RBMS3: variants seen among roughly 807,000 people sequenced by gnomAD.
RBMS3 encodes RNA-binding motif, single-stranded-interacting protein 3.
In RBMS3, 27 loss-of-function variants were observed where a neutral mutation model predicts 66.8. The ratio of observed to expected loss-of-function variants is 0.40; its 90% confidence interval spans 0.30 to 0.56. The LOEUF (loss-of-function observed/expected upper bound fraction) is 0.56. Among genes scored for constraint, RBMS3 ranks in the 20% least tolerant of loss-of-function variants. The pLI is 0.40. For missense variants in RBMS3, 513 were observed against 549.5 expected (o/e 0.93, Z 0.66); for synonymous variants, 188 against 183.0 (o/e 1.03, Z -0.22).
rs2040716951 is a variant in RBMS3 at position 29,421,134 on chromosome 3, C to CAAAAA, written c.76-13608_76-13607insAAAAA. ...TCCCTAAAGAAAAAAAAAAAGAAAA[C>CAAAAA]AGAAAAGGCCGTTATCACTATTTGC... On this transcript the variant is annotated intron_variant, in intron 1 of 14. Transcript: ENST00000383767. 2.0e-5 allele frequency among the ~76,000 whole-genome samples: 3 copies of CAAAAA among 150,810 alleles called. No homozygotes were observed. In the South Asian group the frequency reaches 6.3e-4, roughly 31 times the overall value.
chr3:29,471,718 G>GTTTTTTTTTT (rs397793236), intron 2 of RBMS3, among the ~76,000 whole-genome samples: 1 of 71,170 alleles, frequency 1.4e-5, no homozygotes, highest in Admixed American at 1.6e-4. Context: ...TGAGGACTTA[G>GTTTTTTTTTT]TTTTTTTTTT....
intron 6 of RBMS3, among the ~76,000 whole-genome samples, chr3:29,776,159 G>A (rs1299454810): frequency 6.6e-6 from 1 of 152,012 alleles, no homozygotes; most frequent in East Asian, 1.9e-4. Flanking sequence ...AAAGAAAAGA[G>A]CGCCATTCGT....
chr3:29,413,375 TAC>T (rs2040353473), intron 1 of RBMS3, among the ~76,000 whole-genome samples: 1 of 58,332 alleles, frequency 1.7e-5, no homozygotes, highest in Non-Finnish European at 3.4e-5. Context: ...ATCTCATTCA[TAC>T]ATACATACAT....
intron 11 of RBMS3, among the ~76,000 whole-genome samples, chr3:29,942,212 G>A (rs1221846701): frequency 6.6e-6 from 1 of 151,612 alleles, no homozygotes; most frequent in African/African-American, 2.4e-5. Context: ...TATTTATAAT[G>A]TCAAATTTGA....
At chr3:29,573,751 ATATGT>A (rs2047017652) in intron 3 of RBMS3, among the ~76,000 whole-genome samples, 1 of 151,844 alleles carries the variant, frequency 6.6e-6, no homozygotes, top group African/African-American at 2.4e-5. Context: ...ATAGGTTTTG[ATATGT>A]TATGTTTCCA....
intron 1 of RBMS3, among the ~76,000 whole-genome samples, chr3:29,365,508 C>G (rs1052166785): frequency 6.6e-6 from 1 of 151,844 alleles, no homozygotes; most frequent in African/African-American, 2.4e-5. Context: ...ATCTTCTAGG[C>G]TAAAATTTGA....
chr3:29,611,413 C>G (rs1359428348), intron 4 of RBMS3, among the ~76,000 whole-genome samples: 1 of 151,994 alleles, frequency 6.6e-6, no homozygotes, highest in Non-Finnish European at 1.5e-5. Flanking sequence ...GCAGCCTGAT[C>G]AAATTCGGCT....
chr3:29,940,009 A>C (rs908894125), intron 11 of RBMS3, among the ~76,000 whole-genome samples: 1 of 151,772 alleles, frequency 6.6e-6, no homozygotes, highest in African/African-American at 2.4e-5. Flanking sequence ...TAATGACATG[A>C]CCATTTTCCC....
chr3:29,998,035 C>A (rs1413998870), intron 14 of RBMS3, among the ~76,000 whole-genome samples: 11 of 152,202 alleles, frequency 7.2e-5, no homozygotes, highest in South Asian at 2.1e-4. Context: ...ATCTCAGCCC[C>A]AAATCTCCTT....
In RBMS3 at chr3:29,402,722, T is replaced by C. The variant is rs576666049; in HGVS notation, c.76-32021T>C. Among the ~76,000 whole-genome samples, 4 of 152,158 alleles carry C rather than the reference T, an allele frequency of 2.6e-5. No homozygotes were observed. The East Asian group carries it at 5.8e-4, about 22-fold the overall frequency. On this transcript the variant is annotated intron_variant, in intron 1 of 14. Transcript: ENST00000383767. The stretch of plus-strand genomic sequence containing the variant: ...TCCAAAATGTAGCATTTGATTGATA[T>C]AGAACTAGTATTAAATTTTATGTTT...
At chr3:29,415,786 A>T (rs1054282755) in intron 1 of RBMS3, among the ~76,000 whole-genome samples, 1 of 150,000 alleles carries the variant, frequency 6.7e-6, no homozygotes, top group Non-Finnish European at 1.5e-5. Context: ...TTTTTTTTTT[A>T]AATGATGTAT....
At chr3:29,942,845 G>A (rs1038142923) in intron 11 of RBMS3, among the ~76,000 whole-genome samples, 13 of 147,982 alleles carry the variant, frequency 8.8e-5, no homozygotes, top group African/African-American at 3.0e-4. Flanking sequence ...GGAAATGTGT[G>A]ATTGCAATTT....
intron 4 of RBMS3, among the ~76,000 whole-genome samples, chr3:29,677,895 A>G (rs929930188): frequency 6.6e-6 from 1 of 152,214 alleles, no homozygotes; most frequent in African/African-American, 2.4e-5. Flanking sequence ...ATTCTGTCAC[A>G]TACCAGCTCT....
chr3:29,540,713 T>A (rs188619656), intron 3 of RBMS3, among the ~76,000 whole-genome samples: 1 of 152,142 alleles, frequency 6.6e-6, no homozygotes. Context: ...TGAGCTAAGA[T>A]TGCACCCAGG....
In RBMS3 at chr3:29,754,958, A is replaced by ATG. The variant is rs138469875; in HGVS notation, c.558-7950_558-7949dup. 4.2e-3 allele frequency among the ~76,000 whole-genome samples: 640 copies of ATG among 152,194 alleles called. 15 individuals carry two copies. Among genetic ancestry groups the ATG allele is most frequent in the Admixed American group, 0.035 (528 of 15,282 alleles). On this transcript the variant is annotated intron_variant, in intron 5 of 14. Transcript: ENST00000383767. ...CAGCCATGACTGAAGCCCTGTACTT[A>ATG]TGTCTCTCTGGGCCTGATAAATGTT... is the stretch of plus-strand genomic sequence containing the variant.
rs910747170 is a variant in RBMS3 at position 29,749,864 on chromosome 3, A to C, written c.557+9987A>C. Among the ~76,000 whole-genome samples, 68 of 152,314 alleles carry C rather than the reference A, an allele frequency of 4.5e-4. 1 individual carries two copies. Among genetic ancestry groups the C allele is most frequent in the African/African-American group, 1.5e-3 (63 of 41,580 alleles). On this transcript the variant is annotated intron_variant, in intron 5 of 14. Transcript: ENST00000383767. Reference sequence around the variant, plus strand: ...GTTCAATGTGTCCTGATACCAAAAAACAAACACATTCTTATTGAACTTATG... The same window carrying C: ...GTTCAATGTGTCCTGATACCAAAAACCAAACACATTCTTATTGAACTTATG...
intron 8 of RBMS3, among the ~76,000 whole-genome samples, chr3:29,892,036 T>G (rs1486955549): frequency 6.6e-6 from 1 of 151,502 alleles, no homozygotes; most frequent in Non-Finnish European, 1.5e-5. Context: ...ATTTTTATTG[T>G]CAGTGAAATA....
intron 4 of RBMS3, among the ~76,000 whole-genome samples, chr3:29,638,144 C>T (rs2049542997): frequency 6.6e-6 from 1 of 151,782 alleles, no homozygotes; most frequent in African/African-American, 2.4e-5. Flanking sequence ...ACACGTCCCC[C>T]TATCCCCACC....
chr3:29,317,113 A>G (rs2034729001), intron 1 of RBMS3, among the ~76,000 whole-genome samples: 1 of 151,758 alleles, frequency 6.6e-6, no homozygotes, highest in African/African-American at 2.4e-5. Context: ...ATATTTGAAA[A>G]AGCCTTAAGT....
Sources: allele counts gnomAD v4.1 joint callset (sites outside exome capture counted in the v4.1 genomes callset), GRCh38; gene constraint gnomAD v4.1.1; transcripts MANE v1.5; gene names NCBI Gene and HGNC (gene_info 2026-07-23, HGNC 2026-07-21).